Variants in DTNBP1 observed in about 807,000 individuals in gnomAD.
The protein encoded by DTNBP1 is dysbindin.
In DTNBP1, 35 loss-of-function variants were observed where a neutral mutation model predicts 42.8. The ratio of observed to expected loss-of-function variants is 0.82; its 90% CI spans 0.63 to 1.09. The LOEUF (loss-of-function observed/expected upper bound fraction) is 1.09, where lower values mean the gene tolerates loss of function less well. DTNBP1 is among the 50% of genes least tolerant of loss of function. DTNBP1 has a pLI of 0.00. For synonymous variants in DTNBP1, 171 were observed against 162.2 expected (o/e 1.05, Z -0.41); for missense variants, 457 against 424.2 (o/e 1.08, Z -0.68).
intron 6 of DTNBP1, among the ~76,000 whole-genome samples, chr6:15,593,670 T>C (rs1776389256): frequency 6.6e-6 from 1 of 152,232 alleles, no homozygotes; most frequent in Non-Finnish European, 1.5e-5. Flanking sequence ...ACACAAAGTT[T>C]CCTGGGAAGT....
At chr6:15,635,603 A>T (rs1759960613) in intron 4 of DTNBP1, among the ~76,000 whole-genome samples, 1 of 152,192 alleles carries the variant, frequency 6.6e-6, no homozygotes, top group Non-Finnish European at 1.5e-5. Flanking sequence ...TGTTGGGCTA[A>T]CTCATATGAA....
At chr6:15,561,462 T>G (rs1774836850) in intron 7 of DTNBP1, among the ~76,000 whole-genome samples, 1 of 152,194 alleles carries the variant, frequency 6.6e-6, no homozygotes, top group Admixed American at 6.5e-5. Context: ...TGGTCAGAAC[T>G]CAAGAGTTAT....
intron 6 of DTNBP1, among the ~76,000 whole-genome samples, chr6:15,594,290 C>T (rs1218659902): frequency 2.6e-5 from 4 of 151,762 alleles, no homozygotes; most frequent in Non-Finnish European, 5.9e-5. Context: ...TGGTGAAACC[C>T]CGTCTCTACT....
At chr6:15,563,929 C>T (rs1214811467) in intron 7 of DTNBP1, among the ~76,000 whole-genome samples, 1 of 152,072 alleles carries the variant, frequency 6.6e-6, no homozygotes, top group Non-Finnish European at 1.5e-5. Context: ...CAAAAATTAG[C>T]CAGGTGTGGT....
At chr6:15,549,491 TAAAAA>T (rs1171397685) in intron 7 of DTNBP1, among the ~76,000 whole-genome samples, 9 of 77,952 alleles carry the variant, frequency 1.2e-4, no homozygotes, top group Non-Finnish European at 1.3e-4. Context: ...TCTCAGGGAT[TAAAAA>T]AAAAAAAAAA....
intron 6 of DTNBP1, among the ~76,000 whole-genome samples, chr6:15,611,330 A>G (rs969219379): frequency 6.7e-6 from 1 of 149,562 alleles, no homozygotes; most frequent in Non-Finnish European, 1.5e-5. Flanking sequence ...TACTGCTCAG[A>G]AAAAAAAAAC....
chr6:15,524,699 C>G (rs191234207), intron 8 of DTNBP1, 30 bp from the exon 9 acceptor site: 1 of 1,608,830 alleles, frequency 6.2e-7, no homozygotes, highest in South Asian at 1.1e-5. Context: ...AGAAAGGACA[C>G]GCTGTCTTTA....
rs1039862801 is a variant in DTNBP1, at chr6:15,523,737, T to G, written c.812-518A>C. ...ATCTTCCCCTGACTCTGGGTGAGGG[T>G]TCACGCTGGTCTCCAGTATTCTGGC... On this transcript the variant is annotated intron_variant, in intron 9 of 9. Coordinates refer to ENST00000344537, the MANE Select transcript of DTNBP1 (RefSeq NM_032122.5). The G allele has an allele frequency of 3.1e-6, 4 of 1,287,192 alleles. No homozygotes were observed. The Admixed American group carries it at 9.2e-5, about 30-fold the overall frequency. The allele number at this position is 1,287,192 out of a possible 1,614,324, so 79.7% of individuals were successfully genotyped here.
rs369015562 is a variant in DTNBP1, at chr6:15,615,317, T to C, written c.438A>G (p.Arg146=). 2.8e-4 allele frequency: 447 copies of C among 1,614,184 alleles called. 6 individuals carry two copies. In the South Asian group the frequency reaches 4.6e-3, roughly 17 times the overall value. The part of the protein sequence containing the change: ...EDLCGQCELE[R]CKHMQSQQLE... ...GTTGCTGGGACTGCATATGTTTGCA[T>C]CTTTCTAATTCACACTGCCCACATA... is the stretch of plus-strand genomic sequence containing the variant. The change falls in exon 6 of 10, where the codon AGA becomes AGG. Residue 146 remains arginine, a synonymous_variant. Transcript: ENST00000344537.
intron 5 of DTNBP1, among the ~76,000 whole-genome samples, chr6:15,626,782 A>G (rs1759374068): frequency 6.6e-6 from 1 of 152,164 alleles, no homozygotes; most frequent in African/African-American, 2.4e-5. Flanking sequence ...ACAAGGTCTC[A>G]CTATGTTGCC....
Position 15,627,443 on chromosome 6 carries a change from C to A in DTNBP1, c.255G>T (p.Ala85=), listed in dbSNP as rs200096549. The change falls in exon 5 of 10, where the codon GCG becomes GCT. Residue 85 remains alanine, a synonymous_variant. Transcript: ENST00000344537. The stretch of plus-strand genomic sequence containing the variant: ...GGCTTGTCTTTTTCTTCTCCCAGTG[C>A]GCAGAAAGCATGACCACCTCGCTAT... The part of the protein sequence containing the change: ...LVDSEVVMLS[A]HWEKKKTSLV... 4 of 1,613,808 alleles carry A rather than the reference C, an allele frequency of 2.5e-6. No homozygotes were observed. The highest frequency in any genetic ancestry group is 2.2e-5 in the South Asian group (2 of 91,080).
chr6:15,576,801 T>G (rs1581348013), intron 7 of DTNBP1, among the ~76,000 whole-genome samples: 1 of 144,670 alleles, frequency 6.9e-6, no homozygotes, highest in East Asian at 2.0e-4. Context: ...GTTGTGAAAG[T>G]GAGGCTCAAA....
chr6:15,626,632 T>C (rs1759364308), intron 5 of DTNBP1, among the ~76,000 whole-genome samples: 1 of 152,170 alleles, frequency 6.6e-6, no homozygotes, highest in Non-Finnish European at 1.5e-5. Context: ...TAAAAGATAA[T>C]TTTCTGAATA....
chr6:15,659,315 G>A (rs562394740), intron 1 of DTNBP1, among the ~76,000 whole-genome samples: 4 of 152,296 alleles, frequency 2.6e-5, no homozygotes, highest in East Asian at 3.9e-4. Flanking sequence ...GGGCGACAGC[G>A]GGAGCTGCAC....
chr6:15,622,085 A>G (rs1759073019), intron 5 of DTNBP1, among the ~76,000 whole-genome samples: 1 of 152,218 alleles, frequency 6.6e-6, no homozygotes, highest in African/African-American at 2.4e-5. Flanking sequence ...AATAAAGAAT[A>G]ATTTCTGGTG....
At chr6:15,586,065 G>T (rs1776068525) in intron 7 of DTNBP1, 14 of 1,128,844 alleles carry the variant, frequency 1.2e-5, no homozygotes, top group African/African-American at 1.6e-5. Context: ...AAAATGGAGG[G>T]GAGGGAAGGC....
intron 7 of DTNBP1, among the ~76,000 whole-genome samples, chr6:15,554,412 A>T (rs1581312700): frequency 6.6e-6 from 1 of 152,048 alleles, no homozygotes; most frequent in Non-Finnish European, 1.5e-5. Flanking sequence ...GTCTTTTGTT[A>T]TAGGGGTCTT....
chr6:15,634,290 G>A (rs1248793530), intron 4 of DTNBP1, among the ~76,000 whole-genome samples: 1 of 151,990 alleles, frequency 6.6e-6, no homozygotes, highest in Non-Finnish European at 1.5e-5. Context: ...TGCATTGACT[G>A]AATTCTTTCT....
chr6:15,532,202 C>T (rs569396734), intron 8 of DTNBP1, among the ~76,000 whole-genome samples: 14 of 152,336 alleles, frequency 9.2e-5, no homozygotes, highest in East Asian at 1.9e-4. Context: ...GCCTGTGCAG[C>T]GCAGGCTGGA....
Sources: allele counts gnomAD v4.1 joint callset (sites outside exome capture counted in the v4.1 genomes callset), GRCh38; gene constraint gnomAD v4.1.1; transcripts MANE v1.5; gene names NCBI Gene and HGNC (gene_info 2026-07-23, HGNC 2026-07-21).